The following EBAG9 variants were observed in gnomAD, a reference collection of about 807,000 sequenced individuals.
The protein encoded by EBAG9 is estrogen receptor binding site associated antigen 9.
In EBAG9, 16 loss-of-function variants were observed where a neutral mutation model predicts 30.9. The observed-to-expected ratio is 0.52, with a 90% CI of 0.35 to 0.79. The LOEUF is 0.79. EBAG9 is among the 30% of genes least tolerant of loss of function. The pLI, the probability that EBAG9 is intolerant of heterozygous loss-of-function variation, is 0.01. For missense variants in EBAG9, 197 were observed against 242.1 expected, an observed-to-expected ratio of 0.81 and a Z score of 1.24; for synonymous variants, 93 against 82.8, an observed-to-expected ratio of 1.12 and a Z score of -0.67.
chr8:109,542,565 C>G (rs563705716), intron 1 of EBAG9, among the ~76,000 whole-genome samples: 1 of 152,218 alleles, frequency 6.6e-6, no homozygotes, highest in East Asian at 1.9e-4. Context: ...TCTGTAGTCT[C>G]TTTTCTGGCT....
intron 2 of EBAG9, 27 bp downstream of exon 2, chr8:109,550,934 C>T (rs2131111664): frequency 6.9e-7 from 1 of 1,444,968 alleles, no homozygotes; most frequent in East Asian, 2.5e-5. Context: ...TTCAAACTAA[C>T]CTGTTTATCT....
intron 1 of EBAG9, among the ~76,000 whole-genome samples, chr8:109,546,113 A>G (rs1436168780): frequency 2.0e-5 from 3 of 152,236 alleles, no homozygotes; most frequent in Non-Finnish European, 4.4e-5. Flanking sequence ...TAATTGTCCT[A>G]GTTTCCTAAT....
intron 5 of EBAG9, chr8:109,557,872 C>T (rs1586693455): frequency 3.5e-6 from 1 of 287,694 alleles, no homozygotes; most frequent in Non-Finnish European, 7.2e-6. Context: ...GTGCACCTCT[C>T]CAAGGAGCTG....
At chr8:109,540,485 A>G (rs533855500) in intron 1 of EBAG9, 24 bp downstream of exon 1, 4 of 152,200 alleles carry the variant, frequency 2.6e-5, no homozygotes, top group Middle Eastern at 3.4e-3. Context: ...TTCATCAACA[A>G]ATTTCACGTG....
intron 6 of EBAG9, chr8:109,563,572 C>A: frequency 1.3e-6 from 2 of 1,509,098 alleles, no homozygotes; most frequent in Non-Finnish European, 1.8e-6. Flanking sequence ...TAAATACCTA[C>A]CACTCTTTTT....
chr8:109,564,678 C>T lies in EBAG9; in HGVS notation c.*119C>T, dbSNP rs1821783045. 7.1e-7 allele frequency: 1 copy of T among 1,404,278 alleles called. No homozygotes were observed. The highest frequency in any genetic ancestry group is 9.7e-7 in the Non-Finnish European group (1 of 1,035,206). The allele number at this position is 1,404,278 out of a possible 1,614,324, so 87.0% of individuals were successfully genotyped here. A position where few individuals can be genotyped will look rare whatever the true frequency, so the allele number is the denominator to read the frequency against. On this transcript the variant is annotated 3_prime_UTR_variant, in exon 7 of 7. Coordinates refer to ENST00000337573, the MANE Select transcript of EBAG9 (RefSeq NM_004215.5). Reference sequence around the variant, plus strand: ...TACTGCTTGATTTTAATACATTGATCAGGCCATCCAGGACACCACGATTCT... The same window carrying T: ...TACTGCTTGATTTTAATACATTGATTAGGCCATCCAGGACACCACGATTCT...
intron 5 of EBAG9, among the ~76,000 whole-genome samples, chr8:109,560,000 A>G (rs1821679889): frequency 6.6e-6 from 1 of 152,242 alleles, no homozygotes; most frequent in Non-Finnish European, 1.5e-5. Context: ...TATTACATAT[A>G]TTCTCAGGAG....
chr8:109,554,910 G>A, intron 4 of EBAG9, 23 bp downstream of exon 4: 1 of 1,599,214 alleles, frequency 6.3e-7, no homozygotes, highest in Non-Finnish European at 8.5e-7. Flanking sequence ...TTATGCTTTT[G>A]GAGATTAAAC....
intron 1 of EBAG9, among the ~76,000 whole-genome samples, chr8:109,541,905 A>G (rs563845965): frequency 7.2e-5 from 11 of 152,288 alleles, no homozygotes; most frequent in African/African-American, 2.4e-4. Context: ...GCTTGATCGC[A>G]TTTTCCCTAT....
Position 109,565,196 on chromosome 8 carries a change from GTGT to G in EBAG9, c.*641_*643del, listed in dbSNP as rs1300294616. 1 of 152,382 alleles carries G rather than the reference GTGT, an allele frequency of 6.6e-6. No individual in the cohort carries two copies. Among genetic ancestry groups the G allele is most frequent in the Admixed American group, 6.6e-5 (1 of 15,232 alleles). 9.4% of individuals were successfully genotyped at this position (152,382 alleles called of 1,614,324 possible). ...TACATCATTATTTTCTTTTGGATTA[GTGT>G]TGTCATACATGTAATTTATATCACA... On this transcript the variant is annotated 3_prime_UTR_variant, in exon 7 of 7. Coordinates refer to ENST00000337573, the MANE Select transcript of EBAG9 (RefSeq NM_004215.5).
chr8:109,564,543 G>A lies in EBAG9; in HGVS notation c.626G>A (p.Gly209Asp). 3 of 1,611,606 alleles carry A rather than the reference G, an allele frequency of 1.9e-6. No homozygotes were observed. The highest frequency in any genetic ancestry group is 2.5e-6 in the Non-Finnish European group (3 of 1,178,304). Residue 209 changes from glycine to aspartate, a missense_variant, in exon 7 of 7, where the codon GGT becomes GAT. By Grantham distance (94) the Gly-to-Asp change is moderately conservative. Coordinates refer to ENST00000337573, the MANE Select transcript of EBAG9 (RefSeq NM_004215.5). ...RLMKKEQNKIGVKLS is the reference protein window; with the variant it reads ...RLMKKEQNKIDVKLS ...ATGAAGAAGGAACAAAACAAAATTG[G>A]TGTGAAACTTTCATAACACATGTTC...
intron 1 of EBAG9, among the ~76,000 whole-genome samples, chr8:109,544,849 G>A (rs797012091): frequency 2.6e-5 from 4 of 152,138 alleles, no homozygotes; most frequent in African/African-American, 7.2e-5. Context: ...CATTGTCATA[G>A]TTACTTAAGT....
At chr8:109,563,279 C>T in intron 6 of EBAG9, 1 of 1,096,682 alleles carries the variant, frequency 9.1e-7, no homozygotes, top group Middle Eastern at 2.1e-4. Context: ...ATAGATAATC[C>T]ACTTTGGATT....
chr8:109,557,580 T>G (rs1821626597), intron 5 of EBAG9, among the ~76,000 whole-genome samples: 2 of 152,192 alleles, frequency 1.3e-5, no homozygotes, highest in Admixed American at 1.3e-4. Context: ...ATGCTTTGAT[T>G]GATTGATTAT....
At chr8:109,564,411 C>T (rs1563658997) in intron 6 of EBAG9, 28 bp from the exon 7 acceptor site, 1 of 1,603,820 alleles carries the variant, frequency 6.2e-7, no homozygotes, top group African/African-American at 1.3e-5. Flanking sequence ...TTGGTATTTT[C>T]TAAAAGTAAA....
chr8:109,551,263 T>C (rs1391887642), intron 2 of EBAG9, among the ~76,000 whole-genome samples: 2 of 152,040 alleles, frequency 1.3e-5, no homozygotes, highest in Admixed American at 1.3e-4. Context: ...TCGGAATAGG[T>C]ATTTCTGTCT....
chr8:109,561,495 GT>G (rs1821710134), intron 6 of EBAG9, among the ~76,000 whole-genome samples: 1 of 151,836 alleles, frequency 6.6e-6, no homozygotes, highest in Admixed American at 6.6e-5. Context: ...GTTCTTTTTT[GT>G]GTGTGAGCAG....
chr8:109,563,330 T>A, intron 6 of EBAG9: 1 of 1,559,500 alleles, frequency 6.4e-7, no homozygotes, highest in Admixed American at 1.7e-5. Flanking sequence ...CATGCCCAAT[T>A]GTGACCTGTA....
chr8:109,552,216 G>T (rs2131114202), intron 2 of EBAG9, among the ~76,000 whole-genome samples: 1 of 151,480 alleles, frequency 6.6e-6, no homozygotes, highest in African/African-American at 2.4e-5. Flanking sequence ...CCATTTGATA[G>T]CTGCTAAATT....
Sources: gnomAD v4.1 joint callset for allele counts (sites outside exome capture counted in the v4.1 genomes callset) on GRCh38, gnomAD v4.1.1 for gene constraint, MANE v1.5 for transcripts, NCBI Gene and HGNC (gene_info 2026-07-23, HGNC 2026-07-21) for gene names.